ZNF273: variants seen among roughly 807,000 people sequenced by gnomAD.
ZNF273 encodes zinc finger protein 9.
ZNF273 carries 11 observed loss-of-function variants against 14.9 expected under a neutral mutation model. The observed-to-expected ratio is 0.74, with a 90% CI of 0.46 to 1.22. The LOEUF (loss-of-function observed/expected upper bound fraction) is 1.22. Among genes scored for constraint, ZNF273 ranks in the 50% most tolerant of loss-of-function variants. ZNF273 has a pLI of 0.00. For missense variants in ZNF273, 577 were observed against 660.6 expected (o/e 0.87, Z 1.39); for synonymous variants, 199 against 223.9 (o/e 0.89, Z 0.99).
upstream of ZNF273, among the ~76,000 whole-genome samples, chr7:64,898,651 G>A (rs1475697890): frequency 6.6e-6 from 1 of 152,128 alleles, no homozygotes; most frequent in Non-Finnish European, 1.5e-5. Flanking sequence ...ATTATAATAT[G>A]GTAAGTGTGT....
At chr7:64,911,412 C>T (rs1031065319) in intron 1 of ZNF273, among the ~76,000 whole-genome samples, 42 of 151,676 alleles carry the variant, frequency 2.8e-4, no homozygotes, top group African/African-American at 9.4e-4. Flanking sequence ...TACAGGCATG[C>T]GCCACCATGC....
intron 3 of ZNF273, 95 bp downstream of exon 3, chr7:64,918,387 G>T (rs1794162548): frequency 7.8e-7 from 1 of 1,277,306 alleles, no homozygotes; most frequent in Non-Finnish European, 1.0e-6. Context: ...TTTGGGCCAG[G>T]CGCGGTGGCT....
chr7:64,890,350 A>G (rs1791931369), downstream of ZNF273, among the ~76,000 whole-genome samples: 1 of 152,078 alleles, frequency 6.6e-6, no homozygotes, highest in Non-Finnish European at 1.5e-5. Flanking sequence ...GATCACAACA[A>G]ATCCTTGTGG....
Position 64,917,643 on chromosome 7 carries a change from C to T in ZNF273, c.165C>T (p.Asp55=). The change falls in exon 2 of 4, where the codon GAC becomes GAT. Residue 55 remains aspartate, a synonymous_variant. Coordinates refer to ENST00000476120, the MANE Select transcript of ZNF273 (RefSeq NM_021148.3). ...EFSLEEWQCL[D]TSQQNLYRNV... ...CTCTGGAGGAGTGGCAATGCCTGGA[C>T]ACTTCACAGCAGAATTTGTATAGGA... The T allele has an allele frequency of 6.2e-7, 1 of 1,600,344 alleles. No individual in the cohort carries two copies. The highest frequency in any genetic ancestry group is 2.3e-5 in the East Asian group (1 of 44,442).
chr7:64,936,392 CCTT>C, the ZNF273 span, among the ~76,000 whole-genome samples: 2 of 152,098 alleles, frequency 1.3e-5, no homozygotes, highest in Admixed American at 1.3e-4. Context: ...CCACTGGGCA[CCTT>C]CTTCTGCCTG....
downstream of ZNF273, among the ~76,000 whole-genome samples, chr7:64,883,536 T>C (rs762067552): frequency 6.6e-6 from 1 of 152,076 alleles, no homozygotes; most frequent in Non-Finnish European, 1.5e-5. Context: ...GCTAAACAGG[T>C]GCGGACAGAT....
intron 1 of ZNF273, among the ~76,000 whole-genome samples, chr7:64,906,782 AGTT>A (rs1793140269): frequency 6.6e-6 from 1 of 152,176 alleles, no homozygotes; most frequent in African/African-American, 2.4e-5. Flanking sequence ...CTGGAGATGA[AGTT>A]GTTACTGTTT....
chr7:64,900,152 A>G (rs575758781), upstream of ZNF273, among the ~76,000 whole-genome samples: 3 of 150,932 alleles, frequency 2.0e-5, no homozygotes, highest in South Asian at 6.3e-4. Context: ...TTTGAGACCA[A>G]GTCTCGCTCT....
chr7:64,890,380 G>T (rs1298276801), downstream of ZNF273, among the ~76,000 whole-genome samples: 1 of 152,008 alleles, frequency 6.6e-6, no homozygotes, highest in Non-Finnish European at 1.5e-5. Flanking sequence ...AGCAGGTTCC[G>T]TGATCAGCTG....
chr7:64,924,400 A>G (rs1006501520), intron 3 of ZNF273: 2 of 152,130 alleles, frequency 1.3e-5, no homozygotes, highest in Non-Finnish European at 2.9e-5. Context: ...TATTCTTACT[A>G]TAGAAAATGG....
At chr7:64,881,557 G>A (rs1791255340), downstream of ZNF273, among the ~76,000 whole-genome samples, 3 of 152,342 alleles carry the variant, frequency 2.0e-5, no homozygotes, top group South Asian at 6.2e-4. Flanking sequence ...AACAGTGTCT[G>A]GCTTTTGCCG....
chr7:64,889,046 G>A (rs1203932408), downstream of ZNF273: 1 of 985,986 alleles, frequency 1.0e-6, no homozygotes, highest in Non-Finnish European at 1.2e-6. This position sits in a 1 kb window ranked among gnomAD's most constrained non-coding sequence, Gnocchi z 4.2. Flanking sequence ...AAAGCAGGAA[G>A]CGAAGAACGT....
chr7:64,921,637 T>TTTTTTTTTTTTTTTTTTTTTTTTG (rs750737426), intron 3 of ZNF273, among the ~76,000 whole-genome samples: 1 of 29,578 alleles, frequency 3.4e-5, no homozygotes, highest in African/African-American at 1.6e-4. Flanking sequence ...TTTTTTTTTT[T>TTTTTTTTTTTTTTTTTTTTTTTTG]GTGTGTGAGA....
At chr7:64,917,105 C>T (rs1452225634) in intron 1 of ZNF273, 4 of 1,285,442 alleles carry the variant, frequency 3.1e-6, no homozygotes, top group Non-Finnish European at 4.0e-6. Flanking sequence ...GGGCCAAAAA[C>T]ATTGGCATTA....
downstream of ZNF273, among the ~76,000 whole-genome samples, chr7:64,892,876 A>G: frequency 6.6e-6 from 1 of 152,174 alleles, no homozygotes; most frequent in South Asian, 2.1e-4. Context: ...CTAATCTTGT[A>G]TTATGTAAGT....
downstream of ZNF273, among the ~76,000 whole-genome samples, chr7:64,884,418 C>G (rs1191730457): frequency 2.6e-5 from 4 of 152,150 alleles, no homozygotes; most frequent in African/African-American, 9.7e-5. Context: ...CCTGGGCACC[C>G]GTTTCAGTCT....
downstream of ZNF273, among the ~76,000 whole-genome samples, chr7:64,931,710 C>T (rs996858161): frequency 6.6e-6 from 1 of 152,012 alleles, no homozygotes; most frequent in African/African-American, 2.4e-5. Flanking sequence ...GGATGCTGTT[C>T]TATATAAACA....
At chr7:64,896,438 C>A (rs1792363118) in intron 3 of ZNF273, among the ~76,000 whole-genome samples, 1 of 152,028 alleles carries the variant, frequency 6.6e-6, no homozygotes, top group South Asian at 2.1e-4. Context: ...TTAGCAAAGA[C>A]ACAATACAGA....
upstream of ZNF273, among the ~76,000 whole-genome samples, chr7:64,902,569 A>G (rs925980142): frequency 6.6e-6 from 1 of 152,156 alleles, no homozygotes; most frequent in African/African-American, 2.4e-5. Context: ...GTCTTTACTA[A>G]AAATAGAAAA....
Sources: allele counts gnomAD v4.1 joint callset (sites outside exome capture counted in the v4.1 genomes callset), GRCh38; gene constraint gnomAD v4.1.1; non-coding constraint Gnocchi (gnomAD v3.1); transcripts MANE v1.5; gene names NCBI Gene and HGNC (gene_info 2026-07-23, HGNC 2026-07-21).